Variants in NBEA observed in about 807,000 individuals in gnomAD.
NBEA encodes the protein neurobeachin.
Under a neutral mutation model 343.4 loss-of-function variants are expected in NBEA, and 44 were observed. The observed-to-expected ratio is 0.13, with a 90% CI of 0.10 to 0.16. The LOEUF (loss-of-function observed/expected upper bound fraction) is 0.16, where lower values mean the gene tolerates loss of function less well. Among genes scored for constraint, NBEA ranks in the 10% least tolerant of loss-of-function variants. The pLI is 1.00. For synonymous variants in NBEA, 1,175 were observed against 1,238.7 expected (o/e 0.95, Z 1.08); for missense variants, 2,555 against 3,631.3 (o/e 0.70, Z 7.62).
At chr13:35,334,080 C>T (rs2039095465) in intron 36 of NBEA, among the ~76,000 whole-genome samples, 2 of 151,970 alleles carry the variant, frequency 1.3e-5, no homozygotes, top group Admixed American at 6.6e-5. Context: ...ATTACTAGAT[C>T]AAATGGTAGA....
At chr13:35,009,578 G>T (rs1258235253) in intron 1 of NBEA, among the ~76,000 whole-genome samples, 2 of 152,126 alleles carry the variant, frequency 1.3e-5, no homozygotes, top group Admixed American at 1.3e-4. Flanking sequence ...TAGCTCTGGG[G>T]GTTGGACAGA....
intron 39 of NBEA, among the ~76,000 whole-genome samples, chr13:35,441,845 AAAG>A (rs927984460): frequency 6.6e-5 from 10 of 151,660 alleles, no homozygotes; most frequent in African/African-American, 9.7e-5. Flanking sequence ...AAAAAAAAAA[AAAG>A]AAGACACTGA....
intron 48 of NBEA, among the ~76,000 whole-genome samples, chr13:35,611,153 C>A (rs1256911337): frequency 6.6e-6 from 1 of 152,004 alleles, no homozygotes; most frequent in East Asian, 1.9e-4. Flanking sequence ...TATAAACACA[C>A]ACCAACCATA....
intron 45 of NBEA, among the ~76,000 whole-genome samples, chr13:35,579,526 A>G (rs990759355): frequency 6.6e-6 from 1 of 152,176 alleles, no homozygotes; most frequent in African/African-American, 2.4e-5. Context: ...AAACAGCAAA[A>G]TGAAACTAAA....
At chr13:35,464,707 C>G (rs2047078560) in intron 40 of NBEA, among the ~76,000 whole-genome samples, 1 of 152,190 alleles carries the variant, frequency 6.6e-6, no homozygotes, top group African/African-American at 2.4e-5. Flanking sequence ...GTAGTGCTAT[C>G]ACACAGGGAT....
intron 1 of NBEA, among the ~76,000 whole-genome samples, chr13:35,019,890 T>C (rs1390078143): frequency 6.6e-6 from 1 of 152,190 alleles, no homozygotes; most frequent in Non-Finnish European, 1.5e-5. Flanking sequence ...TGGTTCTCTT[T>C]GCCTCCCTCC....
intron 49 of NBEA, among the ~76,000 whole-genome samples, chr13:35,639,553 G>T (rs1433086113): frequency 1.3e-5 from 2 of 152,082 alleles, no homozygotes; most frequent in African/African-American, 2.4e-5. Flanking sequence ...TTTGTGTCAA[G>T]CTTGTATTTT....
intron 38 of NBEA, among the ~76,000 whole-genome samples, chr13:35,389,010 C>T (rs779337184): frequency 5.3e-5 from 8 of 150,112 alleles, no homozygotes; most frequent in African/African-American, 1.5e-4. Context: ...AAAAGTCTGG[C>T]GGGTTTCTTT....
chr13:35,218,340 A>G (rs980691151), intron 33 of NBEA, among the ~76,000 whole-genome samples: 2 of 152,072 alleles, frequency 1.3e-5, no homozygotes, highest in East Asian at 1.9e-4. Context: ...CCCTTTCAGT[A>G]TGTTGACAGA....
At chr13:35,352,362 G>A (rs756859237) in intron 38 of NBEA, 39 bp downstream of exon 38, 4 of 1,115,682 alleles carry the variant, frequency 3.6e-6, no homozygotes, top group South Asian at 2.8e-5. Flanking sequence ...TAATTCATAG[G>A]TTAATTATAA....
intron 48 of NBEA, among the ~76,000 whole-genome samples, chr13:35,609,833 C>T (rs139260496): frequency 4.9e-4 from 74 of 152,058 alleles, no homozygotes; most frequent in African/African-American, 1.7e-3. Context: ...AGAAAGCCTG[C>T]GCAGAATGCT....
At chr13:35,112,061 C>T (rs963687790) in intron 13 of NBEA, among the ~76,000 whole-genome samples, 8 of 151,510 alleles carry the variant, frequency 5.3e-5, no homozygotes, top group Admixed American at 1.3e-4. Flanking sequence ...GGACTACAGG[C>T]GCCTGCCAGC....
At chr13:35,012,795 G>C (rs574783079) in intron 1 of NBEA, among the ~76,000 whole-genome samples, 1 of 152,172 alleles carries the variant, frequency 6.6e-6, no homozygotes, top group Non-Finnish European at 1.5e-5. Flanking sequence ...TGCCTTCCTG[G>C]ACTCAGTCAC....
chr13:35,095,372 C>T (rs2065281272), intron 10 of NBEA, among the ~76,000 whole-genome samples: 1 of 150,988 alleles, frequency 6.6e-6, no homozygotes, highest in Non-Finnish European at 1.5e-5. Context: ...TAAATATTCT[C>T]AGGTATTTGT....
intron 45 of NBEA, among the ~76,000 whole-genome samples, chr13:35,581,795 A>G (rs1487197739): frequency 6.7e-6 from 1 of 148,236 alleles, no homozygotes; most frequent in African/African-American, 2.5e-5. Context: ...ATGATGAGTT[A>G]GTGGGTGCAG....
intron 7 of NBEA, among the ~76,000 whole-genome samples, chr13:35,057,810 G>C (rs1319077818): frequency 1.3e-5 from 2 of 152,068 alleles, no homozygotes; most frequent in Non-Finnish European, 2.9e-5. Flanking sequence ...GAGAATTCTA[G>C]ATTATAACAC....
intron 35 of NBEA, among the ~76,000 whole-genome samples, chr13:35,293,876 G>A (rs1187037412): frequency 2.0e-5 from 3 of 151,908 alleles, no homozygotes; most frequent in Non-Finnish European, 4.4e-5. Context: ...GCATTTTTCT[G>A]TGCCTTATCT....
chr13:35,272,532 A>G (rs1221496588), intron 34 of NBEA, among the ~76,000 whole-genome samples: 1 of 152,206 alleles, frequency 6.6e-6, no homozygotes, highest in Non-Finnish European at 1.5e-5. Context: ...AAACGGGCTA[A>G]ATGCCCCAAT....
chr13:35,036,621 G>A (rs1295174592), intron 1 of NBEA, among the ~76,000 whole-genome samples: 2 of 151,982 alleles, frequency 1.3e-5, no homozygotes, highest in African/African-American at 2.4e-5. Flanking sequence ...TATTTGTTTG[G>A]TAAAGTCTTT....
Sources: gnomAD v4.1 joint callset for allele counts (sites outside exome capture counted in the v4.1 genomes callset) on GRCh38, gnomAD v4.1.1 for gene constraint, MANE v1.5 for transcripts, NCBI Gene and HGNC (gene_info 2026-07-23, HGNC 2026-07-21) for gene names.